KCNK13: variants seen among roughly 807,000 people sequenced by gnomAD.
The protein encoded by KCNK13 is potassium channel subfamily K member 13.
KCNK13 carries 12 observed loss-of-function variants against 23.4 expected under a neutral mutation model. That is an observed-to-expected ratio of 0.51 (90% CI 0.33 to 0.83). The LOEUF (loss-of-function observed/expected upper bound fraction) is 0.83, where lower values mean the gene tolerates loss of function less well. KCNK13 is among the 40% of genes least tolerant of loss of function. The pLI is 0.02. For missense variants in KCNK13, 463 were observed against 556.3 expected, an observed-to-expected ratio of 0.83 and a Z score of 1.69; for synonymous variants, 231 against 229.5, an observed-to-expected ratio of 1.01 and a Z score of -0.06.
At chr14:90,120,717 A>G (rs1799307599) in intron 1 of KCNK13, among the ~76,000 whole-genome samples, 1 of 152,246 alleles carries the variant, frequency 6.6e-6, no homozygotes, top group South Asian at 2.1e-4. Context: ...TTGGGTGGGG[A>G]CACAAAGCCA....
chr14:90,070,641 G>A (rs896955713), intron 1 of KCNK13, among the ~76,000 whole-genome samples: 11 of 151,978 alleles, frequency 7.2e-5, no homozygotes, highest in African/African-American at 1.9e-4. Flanking sequence ...CATTGTCTTC[G>A]TGCTTAAATC....
At chr14:90,083,052 T>C (rs1245905251) in intron 1 of KCNK13, among the ~76,000 whole-genome samples, 1 of 152,254 alleles carries the variant, frequency 6.6e-6, no homozygotes, top group East Asian at 1.9e-4. Flanking sequence ...TGGCCATTTG[T>C]ATACTATCTT....
intron 1 of KCNK13, among the ~76,000 whole-genome samples, chr14:90,122,086 C>T (rs1229070926): frequency 5.3e-5 from 8 of 151,972 alleles, no homozygotes; most frequent in Admixed American, 5.2e-4. Flanking sequence ...AAACGTTTTC[C>T]ACAATTTTAA....
At chr14:90,065,002 G>GT (rs1888991693) in intron 1 of KCNK13, among the ~76,000 whole-genome samples, 1 of 152,068 alleles carries the variant, frequency 6.6e-6, no homozygotes, top group Non-Finnish European at 1.5e-5. Context: ...GAAGGTTCAG[G>GT]TTTTTTGTAA....
rs148184094 is a variant in KCNK13, at chr14:90,080,313, G to A, written c.334+17774G>A. Among the ~76,000 whole-genome samples the A allele has an allele frequency of 5.9e-4, 90 of 151,976 alleles. 1 individual carries two copies. Among genetic ancestry groups the A allele is most frequent in the African/African-American group, 2.0e-3 (85 of 41,470 alleles). On this transcript the variant is annotated intron_variant, in intron 1 of 1. Transcript: ENST00000282146. Reference sequence around the variant, plus strand: ...TACTAAAAATACAAAAAAATTAGCCGGGCCTGGTGGCGGGTGCCTGTAATC... The same window carrying A: ...TACTAAAAATACAAAAAAATTAGCCAGGCCTGGTGGCGGGTGCCTGTAATC...
At chr14:90,126,123 C>T (rs1889796917) in intron 1 of KCNK13, among the ~76,000 whole-genome samples, 2 of 151,604 alleles carry the variant, frequency 1.3e-5, no homozygotes, top group South Asian at 4.2e-4. Flanking sequence ...AAGTAAATAT[C>T]CCTAAGTCCA....
At chr14:90,180,911 C>T (rs754996301) in intron 1 of KCNK13, among the ~76,000 whole-genome samples, 38 of 152,124 alleles carry the variant, frequency 2.5e-4, no homozygotes, top group Middle Eastern at 6.8e-3. Flanking sequence ...GGCTGGAGTG[C>T]GGTGGCGCAA....
At chr14:90,123,716 C>CA (rs756297935) in intron 1 of KCNK13, among the ~76,000 whole-genome samples, 15 of 152,142 alleles carry the variant, frequency 9.9e-5, no homozygotes, top group Admixed American at 2.0e-4. Flanking sequence ...ACTGCAGCCT[C>CA]AAACTCCTGA....
At position 90,172,146 on chromosome 14, in the gene KCNK13, G is replaced by A. The variant is rs144378920; in HGVS notation, c.335-11965G>A. Among the ~76,000 whole-genome samples, 354 of 152,066 alleles carry A rather than the reference G, an allele frequency of 2.3e-3. 3 individuals carry two copies. Among genetic ancestry groups the A allele is most frequent in the African/African-American group, 8.0e-3 (331 of 41,484 alleles). ...AGCCTGGTCAATATGGTGGAACCCC[G>A]TCTCTACTAAAAATACAAAAATTAG... On this transcript the variant is annotated intron_variant, in intron 1 of 1. Coordinates refer to ENST00000282146, the MANE Select transcript of KCNK13 (RefSeq NM_022054.4).
intron 1 of KCNK13, among the ~76,000 whole-genome samples, chr14:90,078,417 C>CAA (rs1238686860): frequency 5.0e-5 from 3 of 60,422 alleles, no homozygotes; most frequent in African/African-American, 6.5e-5. Flanking sequence ...AAGACAGTCT[C>CAA]AAAAAAAAAA....
chr14:90,130,733 G>C (rs1013826549), intron 1 of KCNK13, among the ~76,000 whole-genome samples: 2 of 152,100 alleles, frequency 1.3e-5, no homozygotes, highest in African/African-American at 4.8e-5. Context: ...AGAATCACTT[G>C]AACCCGGGAA....
chr14:90,107,984 GT>G, intron 1 of KCNK13: 2 of 716,496 alleles, frequency 2.8e-6, no homozygotes, highest in South Asian at 2.7e-5. Flanking sequence ...GCAGATTGGA[GT>G]TTTGCAGTAA....
rs565120369 is a variant in KCNK13 at position 90,174,032 on chromosome 14, C to T, written c.335-10079C>T. ...ATAAAACTGTCAGATCTCGGCCAGG[C>T]GCAGTGGCTCATGCCTGTAATCCCA... On this transcript the variant is annotated intron_variant, in intron 1 of 1. Coordinates refer to ENST00000282146, the MANE Select transcript of KCNK13 (RefSeq NM_022054.4). 9.5e-4 allele frequency among the ~76,000 whole-genome samples: 145 copies of T among 152,110 alleles called. 1 individual carries two copies. Among genetic ancestry groups the T allele is most frequent in the Middle Eastern group, 3.4e-3 (1 of 294 alleles).
intron 1 of KCNK13, among the ~76,000 whole-genome samples, chr14:90,153,180 C>T (rs1318066613): frequency 6.6e-6 from 1 of 152,186 alleles, no homozygotes; most frequent in Non-Finnish European, 1.5e-5. Context: ...CCTGACTCTC[C>T]TTCCCCTGGC....
intron 1 of KCNK13, among the ~76,000 whole-genome samples, chr14:90,158,781 G>A (rs769088265): frequency 3.3e-5 from 5 of 152,168 alleles, no homozygotes; most frequent in African/African-American, 9.7e-5. Flanking sequence ...ATGTCCTACT[G>A]GGGGAGACAT....
chr14:90,180,259 C>T (rs1311878215), intron 1 of KCNK13, among the ~76,000 whole-genome samples: 1 of 152,168 alleles, frequency 6.6e-6, no homozygotes, highest in Non-Finnish European at 1.5e-5. Flanking sequence ...GACAAGCACA[C>T]AGGCTGGCAG....
chr14:90,184,482 A>G lies in KCNK13; in HGVS notation c.706A>G (p.Ser236Gly). The G allele has an allele frequency of 3.1e-6, 5 of 1,614,230 alleles. No individual in the cohort carries two copies. The highest frequency in any genetic ancestry group is 4.2e-6 in the Non-Finnish European group (5 of 1,180,040). ...DSLYFCFVAF[S>G]TIGFGDLVSS... The stretch of plus-strand genomic sequence containing the variant: ...ACTCTACTTCTGTTTTGTGGCTTTC[A>G]GCACCATTGGCTTTGGGGACCTGGT... Residue 236 changes from serine to glycine, a missense_variant, in exon 2 of 2, where the codon AGC (serine) becomes GGC (glycine). By Grantham distance (56) the Ser-to-Gly change is moderately conservative. Transcript: ENST00000282146. The surrounding 1 kb of genome is among the most constrained non-coding windows in gnomAD (Gnocchi z 5.6).
chr14:90,130,861 A>G (rs950987573), intron 1 of KCNK13, among the ~76,000 whole-genome samples: 2 of 152,192 alleles, frequency 1.3e-5, no homozygotes, highest in African/African-American at 2.4e-5. Flanking sequence ...TGTGCAGTAA[A>G]TGGTACAATT....
chr14:90,184,785 A>G lies in KCNK13; in HGVS notation c.1009A>G (p.Thr337Ala). 1.2e-6 allele frequency: 2 copies of G among 1,612,878 alleles called. No homozygotes were observed. Among genetic ancestry groups the G allele is most frequent in the East Asian group, 2.2e-5 (1 of 44,824 alleles). Residue 337 changes from threonine to alanine, a missense_variant, in exon 2 of 2, where the codon ACG becomes GCG. By Grantham distance (58) the Thr-to-Ala change is moderately conservative. Around this residue, in one of 3 missense-constraint regions of KCNK13, gnomAD observed 166 missense variants for 178.8 expected, o/e 0.93. Coordinates refer to ENST00000282146, the MANE Select transcript of KCNK13 (RefSeq NM_022054.4). The surrounding 1 kb of genome is among the most constrained non-coding windows in gnomAD (Gnocchi z 5.6). ...GACAGACGGGGTGGCAGAGAGTGAC[A>G]CGGACGGGCGCCGGCTCTCAGGGGA... The part of the protein sequence containing the change: ...IETDGVAESD[T>A]DGRRLSGEMI...
Sources: allele counts gnomAD v4.1 joint callset (sites outside exome capture counted in the v4.1 genomes callset), GRCh38; gene constraint gnomAD v4.1.1; regional missense constraint gnomAD v4.1.1; non-coding constraint Gnocchi (gnomAD v3.1); transcripts MANE v1.5; gene names NCBI Gene and HGNC (gene_info 2026-07-23, HGNC 2026-07-21).